Variants in TMTC2 observed in about 807,000 individuals in gnomAD.
TMTC2 encodes the protein protein O-mannosyl-transferase TMTC2.
Under a neutral mutation model 82.4 loss-of-function variants are expected in TMTC2, and 43 were observed. That is an observed-to-expected ratio of 0.52 (90% CI 0.41 to 0.67). TMTC2 has a LOEUF of 0.67. TMTC2 is among the 30% of genes least tolerant of loss of function. The pLI, the probability that TMTC2 is intolerant of heterozygous loss-of-function variation, is 0.00. For missense variants in TMTC2, 919 were observed against 1,012.4 expected (o/e 0.91, Z 1.25); for synonymous variants, 408 against 381.9 (o/e 1.07, Z -0.80).
chr12:82,932,083 G>T (rs547229113), intron 4 of TMTC2, among the ~76,000 whole-genome samples: 1 of 152,212 alleles, frequency 6.6e-6, no homozygotes, highest in African/African-American at 2.4e-5. Flanking sequence ...CTTTTAAAAT[G>T]TGTATTTATG....
At chr12:82,872,619 T>A (rs2137139351) in intron 2 of TMTC2, among the ~76,000 whole-genome samples, 1 of 152,274 alleles carries the variant, frequency 6.6e-6, no homozygotes, top group Non-Finnish European at 1.5e-5. Flanking sequence ...AGATAAATTT[T>A]TTTCCTGCAA....
At chr12:83,056,177 CAG>C (rs1882536532) in intron 10 of TMTC2, among the ~76,000 whole-genome samples, 1 of 151,896 alleles carries the variant, frequency 6.6e-6, no homozygotes, top group Non-Finnish European at 1.5e-5. Context: ...GTAAAGTAGA[CAG>C]AGTCATTGGA....
intron 1 of TMTC2, among the ~76,000 whole-genome samples, chr12:82,769,875 G>A (rs1183847834): frequency 6.6e-6 from 1 of 152,128 alleles, no homozygotes; most frequent in Non-Finnish European, 1.5e-5. Flanking sequence ...CTCCCAAAGT[G>A]CTGGGATTAC....
At chr12:82,853,128 A>T (rs1282091986) in intron 1 of TMTC2, among the ~76,000 whole-genome samples, 4 of 148,986 alleles carry the variant, frequency 2.7e-5, no homozygotes, top group Non-Finnish European at 1.5e-5. Context: ...TTTGAGACGG[A>T]GTCTCACTCT....
In TMTC2 at chr12:83,132,262, T is replaced by A; in HGVS notation, c.2384T>A (p.Leu795His). The change falls in exon 12 of 12, where the codon CTC (leucine) becomes CAC (histidine). Residue 795 changes from leucine (L) to histidine (H), a missense_variant. Leu to His is a moderately conservative substitution (Grantham distance 99, BLOSUM62 -3). Transcript: ENST00000321196. The part of the protein sequence containing the change: ...LGAILHLNGR[L>H]QKAEANYLRA... ...GCCATTCTGCACCTCAATGGCAGAC[T>A]CCAGAAGGCCGAGGCCAACTACCTG... 1 of 1,613,868 alleles carries A rather than the reference T, an allele frequency of 6.2e-7. No individual in the cohort carries two copies. The highest frequency in any genetic ancestry group is 8.5e-7 in the Non-Finnish European group (1 of 1,179,916).
chr12:82,773,165 C>T (rs917543970), intron 1 of TMTC2, among the ~76,000 whole-genome samples: 3 of 152,146 alleles, frequency 2.0e-5, no homozygotes, highest in Admixed American at 6.5e-5. Flanking sequence ...CTTCTTCTCA[C>T]TGTTATTCCT....
intron 8 of TMTC2, among the ~76,000 whole-genome samples, chr12:83,026,611 A>G (rs984670604): frequency 3.3e-5 from 5 of 152,036 alleles, no homozygotes; most frequent in Non-Finnish European, 5.9e-5. Context: ...ACTTTTTAAA[A>G]ATAAAACAAT....
chr12:82,810,949 G>A (rs1313729385), intron 1 of TMTC2, among the ~76,000 whole-genome samples: 1 of 152,032 alleles, frequency 6.6e-6, no homozygotes, highest in African/African-American at 2.4e-5. Context: ...CCTTCTTTTG[G>A]CCAGGAGCGG....
At chr12:83,032,881 T>C (rs1483587471) in intron 9 of TMTC2, among the ~76,000 whole-genome samples, 1 of 152,110 alleles carries the variant, frequency 6.6e-6, no homozygotes, top group Non-Finnish European at 1.5e-5. Context: ...TTATTTTGTG[T>C]GGTATTTGGA....
chr12:82,790,448 A>G (rs778238315), intron 1 of TMTC2, among the ~76,000 whole-genome samples: 1 of 152,252 alleles, frequency 6.6e-6, no homozygotes, highest in Non-Finnish European at 1.5e-5. Flanking sequence ...TTAAAAAACT[A>G]TTCTTATGAA....
chr12:82,835,779 T>G (rs1326129446), intron 1 of TMTC2, among the ~76,000 whole-genome samples: 1 of 152,166 alleles, frequency 6.6e-6, no homozygotes, highest in Non-Finnish European at 1.5e-5. Flanking sequence ...AGTTGGTAAA[T>G]CGCTGTTGCT....
chr12:83,088,602 A>G (rs534042079), intron 11 of TMTC2, among the ~76,000 whole-genome samples: 1 of 152,252 alleles, frequency 6.6e-6, no homozygotes, highest in South Asian at 2.1e-4. Context: ...GCCCGAGGAG[A>G]AGGAGAAAGA....
intron 1 of TMTC2, among the ~76,000 whole-genome samples, chr12:82,712,761 A>C (rs1404199511): frequency 6.6e-6 from 1 of 152,168 alleles, no homozygotes; most frequent in Non-Finnish European, 1.5e-5. Flanking sequence ...TGGGCTATTG[A>C]TGGTAAACTA....
chr12:82,828,012 C>T (rs530846082), intron 1 of TMTC2, among the ~76,000 whole-genome samples: 3 of 151,618 alleles, frequency 2.0e-5, no homozygotes, highest in Admixed American at 2.0e-4. Context: ...CCTGTCTCCG[C>T]CTCCTGAGTA....
intron 1 of TMTC2, among the ~76,000 whole-genome samples, chr12:82,827,956 G>T (rs530213689): frequency 6.7e-6 from 1 of 149,958 alleles, no homozygotes; most frequent in African/African-American, 2.5e-5. Flanking sequence ...GCAGTGGCAC[G>T]ATCTCGGCTC....
At chr12:83,032,349 A>G (rs1456523053) in intron 9 of TMTC2, among the ~76,000 whole-genome samples, 1 of 147,508 alleles carries the variant, frequency 6.8e-6, no homozygotes, top group Non-Finnish European at 1.5e-5. Flanking sequence ...TTGAACTGCA[A>G]TTTCACTATT....
chr12:83,063,193 C>T (rs1592723599), intron 11 of TMTC2, among the ~76,000 whole-genome samples: 1 of 151,672 alleles, frequency 6.6e-6, no homozygotes, highest in Non-Finnish European at 1.5e-5. Flanking sequence ...TTCTCTTTTT[C>T]CCTGTGTATT....
At chr12:82,933,935 T>C (rs1876175771) in intron 4 of TMTC2, among the ~76,000 whole-genome samples, 1 of 152,214 alleles carries the variant, frequency 6.6e-6, no homozygotes, top group South Asian at 2.1e-4. Context: ...AGGAATGAAA[T>C]CAAATTATAT....
intron 11 of TMTC2, among the ~76,000 whole-genome samples, chr12:83,108,330 T>G (rs962486337): frequency 4.6e-5 from 7 of 152,178 alleles, no homozygotes; most frequent in Non-Finnish European, 1.0e-4. Flanking sequence ...ATGTGATCAG[T>G]ATTATTTTTA....
Sources: gnomAD v4.1 joint callset for allele counts (sites outside exome capture counted in the v4.1 genomes callset) on GRCh38, gnomAD v4.1.1 for gene constraint, MANE v1.5 for transcripts, NCBI Gene and HGNC (gene_info 2026-07-23, HGNC 2026-07-21) for gene names.